The following SPINK8 variants were observed in gnomAD, a reference collection of about 807,000 sequenced individuals.
SPINK8 encodes the protein serine peptidase inhibitor Kazal type 8 (putative), also known as serine protease inhibitor Kazal-type 8.
SPINK8 carries 12 observed loss-of-function variants against 14.4 expected under a neutral mutation model. The observed-to-expected ratio is 0.83, with a 90% CI of 0.53 to 1.35. The LOEUF is 1.35. SPINK8 is among the 40% of genes most tolerant of loss of function. The pLI is 0.00. For synonymous variants in SPINK8, 32 were observed against 37.6 expected (o/e 0.85, Z 0.55); for missense variants, 103 against 117.0 (o/e 0.88, Z 0.55).
intron 2 of SPINK8, among the ~76,000 whole-genome samples, chr3:48,330,093 T>G (rs190949496): frequency 6.6e-6 from 1 of 152,312 alleles, no homozygotes; most frequent in Admixed American, 6.5e-5. Context: ...GGAGGTCAAG[T>G]GTATTTTCTC....
At chr3:48,318,704 T>G (rs773255544) in intron 6 of SPINK8, among the ~76,000 whole-genome samples, 23 of 152,338 alleles carry the variant, frequency 1.5e-4, no homozygotes, top group Admixed American at 1.4e-3. Flanking sequence ...GCCAAATATC[T>G]CTCATCCTGA....
At chr3:48,323,355 TC>T (rs1250327940) in intron 4 of SPINK8, among the ~76,000 whole-genome samples, 2 of 152,078 alleles carry the variant, frequency 1.3e-5, no homozygotes, top group Non-Finnish European at 2.9e-5. Flanking sequence ...CGCCTCAGCC[TC>T]CTAAAGTTCT....
At chr3:48,326,298 T>C (rs1299258029) in intron 4 of SPINK8, among the ~76,000 whole-genome samples, 1 of 152,130 alleles carries the variant, frequency 6.6e-6, no homozygotes, top group Admixed American at 6.6e-5. Context: ...TTCCTACCTT[T>C]TGAAACATTT....
At chr3:48,309,002 A>G (rs540806356) in intron 7 of SPINK8, among the ~76,000 whole-genome samples, 2 of 152,300 alleles carry the variant, frequency 1.3e-5, no homozygotes, top group South Asian at 4.2e-4. Context: ...AAAGTGTCTA[A>G]AAGTTCTTGT....
chr3:48,331,260 T>C (rs1432216589), intron 2 of SPINK8, among the ~76,000 whole-genome samples: 4 of 152,292 alleles, frequency 2.6e-5, no homozygotes, highest in Admixed American at 1.3e-4. Flanking sequence ...GCATTCTCCA[T>C]AGAAGCTCTT....
Position 48,328,263 on chromosome 3 carries a change from C to G in SPINK8, c.67+12G>C. On this transcript the variant is annotated intron_variant, in intron 4 of 7. Coordinates refer to ENST00000434006, the MANE Select transcript of SPINK8 (RefSeq NM_001080525.3). ...GCAGAAAATGTGGGCAGAGCAAGGA[C>G]ACATAACTCACCAATTGCAAAGGCC... 4.4e-6 allele frequency: 7 copies of G among 1,606,564 alleles called. No homozygotes were observed. The highest frequency in any genetic ancestry group is 6.0e-6 in the Non-Finnish European group (7 of 1,176,004).
At chr3:48,319,193 G>T (rs2036034950) in intron 6 of SPINK8, among the ~76,000 whole-genome samples, 1 of 152,174 alleles carries the variant, frequency 6.6e-6, no homozygotes, top group Non-Finnish European at 1.5e-5. Context: ...TGACCTTCAT[G>T]TAGGGTCACA....
intron 6 of SPINK8, among the ~76,000 whole-genome samples, chr3:48,318,240 G>A (rs1199867787): frequency 1.3e-5 from 2 of 151,908 alleles, no homozygotes; most frequent in Non-Finnish European, 2.9e-5. Flanking sequence ...TCCTGGGTTC[G>A]AGGGATTCTT....
Position 48,332,958 on chromosome 3 carries a change from G to A in SPINK8, c.-241-487C>T, listed in dbSNP as rs111317718. 7.7e-3 allele frequency among the ~76,000 whole-genome samples: 1,178 copies of A among 152,032 alleles called. 11 individuals are homozygous for A. Among genetic ancestry groups the A allele is most frequent in the South Asian group, 0.013 (61 of 4,816 alleles). The stretch of plus-strand genomic sequence containing the variant: ...AAGGGGGCATAATCTGGGAATATTG[G>A]CACTCTTTGGTTCATTGTTTACCCC... On this transcript the variant is annotated intron_variant, in intron 1 of 7. Coordinates refer to ENST00000434006, the MANE Select transcript of SPINK8 (RefSeq NM_001080525.3).
intron 2 of SPINK8, among the ~76,000 whole-genome samples, chr3:48,329,866 A>G (rs2036225327): frequency 6.6e-6 from 1 of 152,214 alleles, no homozygotes; most frequent in Non-Finnish European, 1.5e-5. Context: ...CCTTATATGG[A>G]ATCCTCCAAG....
At chr3:48,307,614 G>A (rs541814262) in intron 7 of SPINK8, among the ~76,000 whole-genome samples, 15 of 148,194 alleles carry the variant, frequency 1.0e-4, no homozygotes, top group African/African-American at 3.5e-4. Context: ...TTTAGGGGAA[G>A]GTGCCAATAG....
chr3:48,318,972 G>A (rs1424888796), intron 6 of SPINK8, among the ~76,000 whole-genome samples: 3 of 152,198 alleles, frequency 2.0e-5, no homozygotes, highest in Admixed American at 1.3e-4. Flanking sequence ...ACAATTGGGC[G>A]TTTCACTTGT....
chr3:48,328,137 G>T, intron 4 of SPINK8, 138 bp downstream of exon 4: 2 of 656,432 alleles, frequency 3.0e-6, no homozygotes, highest in Non-Finnish European at 2.4e-6. Flanking sequence ...CCTTTCTCTG[G>T]GTTTTAATTT....
intron 4 of SPINK8, among the ~76,000 whole-genome samples, chr3:48,327,276 G>A (rs1419461590): frequency 6.6e-6 from 1 of 152,234 alleles, no homozygotes; most frequent in Non-Finnish European, 1.5e-5. Context: ...AACCTTCACT[G>A]AGGAAGTCAC....
chr3:48,314,493 C>T (rs2035961048), intron 6 of SPINK8, among the ~76,000 whole-genome samples: 1 of 152,090 alleles, frequency 6.6e-6, no homozygotes, highest in Non-Finnish European at 1.5e-5. Flanking sequence ...AAACAACCAC[C>T]CACAATCATA....
chr3:48,323,187 C>T (rs4420898), intron 4 of SPINK8, among the ~76,000 whole-genome samples: 32,785 of 152,066 alleles, frequency 0.22, 4,356 homozygotes, highest in South Asian at 0.3. Context: ...CTCTGTCACA[C>T]AGGCTGGAGT....
At chr3:48,333,370 G>T (rs759108248) in intron 1 of SPINK8, among the ~76,000 whole-genome samples, 165 bp downstream of exon 1, 7 of 151,362 alleles carry the variant, frequency 4.6e-5, no homozygotes, top group Non-Finnish European at 8.8e-5. Context: ...GGGCGTTTTT[G>T]CCTGGGAGGG....
chr3:48,330,947 G>A (rs59313008), intron 2 of SPINK8, among the ~76,000 whole-genome samples: 4,430 of 151,936 alleles, frequency 0.029, 199 homozygotes, highest in African/African-American at 0.1. Context: ...AGTAGGGGTC[G>A]TGCAGTTGAG....
At chr3:48,321,694 G>T (rs558616733) in intron 4 of SPINK8, among the ~76,000 whole-genome samples, 1 of 151,566 alleles carries the variant, frequency 6.6e-6, no homozygotes, top group African/African-American at 2.4e-5. Flanking sequence ...CATGCCTGTA[G>T]TCCCAGCTAC....
Sources: gnomAD v4.1 joint callset for allele counts (sites outside exome capture counted in the v4.1 genomes callset) on GRCh38, gnomAD v4.1.1 for gene constraint, MANE v1.5 for transcripts, NCBI Gene and HGNC (gene_info 2026-07-23, HGNC 2026-07-21) for gene names.